The following CACNA2D4 variants were observed in gnomAD, a reference collection of about 807,000 sequenced individuals.
CACNA2D4 encodes the protein calcium voltage-gated channel auxiliary subunit alpha2delta 4.
Under a neutral mutation model 163.8 loss-of-function variants are expected in CACNA2D4, and 157 were observed. The ratio of observed to expected loss-of-function variants is 0.96; its 90% CI spans 0.84 to 1.09. The LOEUF (loss-of-function observed/expected upper bound fraction) is 1.09, where lower values mean the gene tolerates loss of function less well. Among genes scored for constraint, CACNA2D4 ranks in the 50% least tolerant of loss-of-function variants. CACNA2D4 has a pLI of 0.00. For synonymous variants in CACNA2D4, 598 were observed against 586.9 expected (o/e 1.02, Z -0.27); for missense variants, 1,410 against 1,479.9 (o/e 0.95, Z 0.78).
intron 6 of CACNA2D4, among the ~76,000 whole-genome samples, chr12:1,898,924 G>C (rs2154450803): frequency 6.6e-6 from 1 of 152,206 alleles, no homozygotes; most frequent in South Asian, 2.1e-4. Context: ...CAGAGGCTGG[G>C]GGGAGAAGAG....
intron 34 of CACNA2D4, among the ~76,000 whole-genome samples, chr12:1,797,862 C>T (rs1468981062): frequency 3.3e-5 from 5 of 152,090 alleles, no homozygotes; most frequent in African/African-American, 1.2e-4. Context: ...ACTCAGATCC[C>T]GGGGGAGGGT....
intron 26 of CACNA2D4, 156 bp from the exon 27 acceptor site, chr12:1,811,879 T>C: frequency 1.5e-6 from 1 of 654,178 alleles, no homozygotes; most frequent in Non-Finnish European, 2.7e-6. Flanking sequence ...CAAACTGGGG[T>C]TTCTGGGGAG....
chr12:1,821,096 G>A (rs1368722381), intron 26 of CACNA2D4, among the ~76,000 whole-genome samples: 1 of 152,198 alleles, frequency 6.6e-6, no homozygotes, highest in Non-Finnish European at 1.5e-5. Context: ...CCAGATGACA[G>A]TCCCGGGTGG....
intron 29 of CACNA2D4, among the ~76,000 whole-genome samples, chr12:1,805,633 C>T (rs1022838672): frequency 2.0e-5 from 3 of 151,880 alleles, no homozygotes; most frequent in Admixed American, 6.6e-5. Flanking sequence ...CGTGGAGGAG[C>T]GGGGTGGGGG....
chr12:1,917,075 T>A lies in CACNA2D4; in HGVS notation c.227+1172A>T, dbSNP rs1867003382. On this transcript the variant is annotated intron_variant, in intron 1 of 37. Transcript: ENST00000382722. This position sits in a 1 kb window ranked among gnomAD's most constrained non-coding sequence, Gnocchi z 4.3. ...CATCTCCTGCAGCAACAGATAGCGT[T>A]ACGGGCTGGCGGCGGGTGTAATGGT... 6.6e-6 allele frequency among the ~76,000 whole-genome samples: 1 copy of A among 152,178 alleles called. No individual in the cohort carries two copies. Among genetic ancestry groups the A allele is most frequent in the South Asian group, 2.1e-4 (1 of 4,832 alleles).
At chr12:1,853,653 G>C (rs936516556) in intron 23 of CACNA2D4, among the ~76,000 whole-genome samples, 3 of 152,308 alleles carry the variant, frequency 2.0e-5, no homozygotes, top group Admixed American at 6.5e-5. Context: ...CCGAGGTCAA[G>C]TTCATTGGTG....
intron 35 of CACNA2D4, among the ~76,000 whole-genome samples, chr12:1,796,870 G>A (rs566425437): frequency 6.6e-6 from 1 of 152,192 alleles, no homozygotes; most frequent in Non-Finnish European, 1.5e-5. Flanking sequence ...CTGCCTCCCC[G>A]GGGCCAGGGC....
intron 24 of CACNA2D4, among the ~76,000 whole-genome samples, chr12:1,845,983 G>T (rs1396249774): frequency 6.6e-6 from 1 of 152,146 alleles, no homozygotes; most frequent in Non-Finnish European, 1.5e-5. Context: ...CTGGTGTGGA[G>T]GCCTAAGTCT....
At chr12:1,879,692 C>A in intron 14 of CACNA2D4, 112 bp downstream of exon 14, 1 of 850,976 alleles carries the variant, frequency 1.2e-6, no homozygotes, top group Non-Finnish European at 1.9e-6. Flanking sequence ...GCATTCAAAC[C>A]CTCCCAAGGT....
rs973548818 is a variant in CACNA2D4 at position 1,917,083 on chromosome 12, G to A, written c.227+1164C>T. Among the ~76,000 whole-genome samples, 4 of 152,178 alleles carry A rather than the reference G, an allele frequency of 2.6e-5. No homozygotes were observed. The highest frequency in any genetic ancestry group is 6.5e-5 in the Admixed American group (1 of 15,284). ...GCAGCAACAGATAGCGTTACGGGCT[G>A]GCGGCGGGTGTAATGGTGAAAGTGC... is the stretch of plus-strand genomic sequence containing the variant. On this transcript the variant is annotated intron_variant, in intron 1 of 37. Transcript: ENST00000382722. The surrounding 1 kb of genome is among the most constrained non-coding windows in gnomAD (Gnocchi z 4.3).
chr12:1,915,111 G>A (rs988373055), intron 1 of CACNA2D4, 176 bp from the exon 2 acceptor site: 7 of 706,418 alleles, frequency 9.9e-6, no homozygotes, highest in East Asian at 5.4e-5. Context: ...GCACACACAC[G>A]TACACACACA....
intron 26 of CACNA2D4, among the ~76,000 whole-genome samples, chr12:1,817,532 G>A (rs1192135656): frequency 1.3e-5 from 2 of 152,114 alleles, no homozygotes; most frequent in African/African-American, 2.4e-5. Context: ...CTCTGATGCC[G>A]AGCCGAAGCT....
chr12:1,879,053 A>G lies in CACNA2D4; in HGVS notation c.1564-17T>C. 1 of 1,608,724 alleles carries G rather than the reference A, an allele frequency of 6.2e-7. No homozygotes were observed. Among genetic ancestry groups the G allele is most frequent in the Non-Finnish European group, 8.5e-7 (1 of 1,175,364 alleles). On this transcript the variant is annotated splice_polypyrimidine_tract_variant and intron_variant, in intron 14 of 37. Transcript: ENST00000382722. ...ATGGGATCGCTGGAAGGAAAGACAC[A>G]AGGGGTGGGGGAGACCCAGCTTCCC...
chr12:1,896,774 A>C (rs1866417313), intron 6 of CACNA2D4, among the ~76,000 whole-genome samples: 1 of 152,220 alleles, frequency 6.6e-6, no homozygotes. Context: ...TAAAAATAGA[A>C]CTACCATATG....
At position 1,811,736 on chromosome 12, in the gene CACNA2D4, A is replaced by G. The variant is rs944291784; in HGVS notation, c.2552-13T>C. 1.9e-6 allele frequency: 3 copies of G among 1,558,272 alleles called. No homozygotes were observed. Among genetic ancestry groups the G allele is most frequent in the Non-Finnish European group, 2.6e-6 (3 of 1,150,554 alleles). ...TGGACGCCCGCGGCTACAGGGCAGA[A>G]AGAGAGAGGGCAAGGCCAGGGAAGA... is the stretch of plus-strand genomic sequence containing the variant. On this transcript the variant is annotated splice_polypyrimidine_tract_variant and intron_variant, in intron 26 of 37. Transcript: ENST00000382722.
rs1235264826 is a variant in CACNA2D4 at position 1,798,042 on chromosome 12, G to T, written c.2996-507C>A. ...CACCCATTGAGCCTGAGCGCCTGCG[G>T]TGGGGGCAGCCGGGCAGGTGGGCTC... On this transcript the variant is annotated intron_variant, in intron 34 of 37. Transcript: ENST00000382722. The surrounding 1 kb of genome is among the most constrained non-coding windows in gnomAD (Gnocchi z 4.3). Among the ~76,000 whole-genome samples, 1 of 152,216 alleles carries T rather than the reference G, an allele frequency of 6.6e-6. No homozygotes were observed. Among genetic ancestry groups the T allele is most frequent in the East Asian group, 1.9e-4 (1 of 5,190 alleles).
At chr12:1,884,681 G>A (rs918320876) in intron 11 of CACNA2D4, 87 bp downstream of exon 11, 11 of 835,404 alleles carry the variant, frequency 1.3e-5, no homozygotes, top group Non-Finnish European at 2.0e-5. Context: ...TTTGAATGGG[G>A]GCCATCCTTC....
intron 19 of CACNA2D4, among the ~76,000 whole-genome samples, chr12:1,859,707 CAG>C (rs1483119979): frequency 1.3e-5 from 2 of 152,232 alleles, no homozygotes; most frequent in African/African-American, 4.8e-5. Context: ...GACCTGTTAA[CAG>C]AGTTGTAGGA....
intron 23 of CACNA2D4, among the ~76,000 whole-genome samples, chr12:1,850,479 T>C (rs763777276): frequency 3.9e-5 from 6 of 152,236 alleles, no homozygotes; most frequent in Non-Finnish European, 7.3e-5. Flanking sequence ...TTGTCGTGAA[T>C]ACATAATATA....
Sources: gnomAD v4.1 joint callset for allele counts (sites outside exome capture counted in the v4.1 genomes callset) on GRCh38, gnomAD v4.1.1 for gene constraint, Gnocchi (gnomAD v3.1) non-coding constraint, MANE v1.5 for transcripts, NCBI Gene and HGNC (gene_info 2026-07-23, HGNC 2026-07-21) for gene names.